Variants in ALG12 observed in about 807,000 individuals in gnomAD.
The protein encoded by ALG12 is ALG12 alpha-1,6-mannosyltransferase.
A neutral mutation model predicts 46.0 loss-of-function variants in ALG12; 36 were observed. The observed-to-expected ratio is 0.78, with a 90% CI of 0.60 to 1.03. ALG12 has a LOEUF of 1.03. Among genes scored for constraint, ALG12 ranks in the 50% least tolerant of loss-of-function variants. The pLI is 0.00. For missense variants in ALG12, 599 were observed against 633.5 expected (o/e 0.95, Z 0.58); for synonymous variants, 326 against 291.6 (o/e 1.12, Z -1.20).
chr22:49,867,759 C>T, the ALG12 span, among the ~76,000 whole-genome samples: 1 of 152,170 alleles, frequency 6.6e-6, no homozygotes, highest in Admixed American at 6.5e-5. Context: ...TGCAAGGGGG[C>T]TTCCATCCTG....
At chr22:49,917,898 C>G (rs2060623397) in intron 1 of ALG12, among the ~76,000 whole-genome samples, 2 of 94,508 alleles carry the variant, frequency 2.1e-5, no homozygotes, top group African/African-American at 1.0e-4. Flanking sequence ...TAAGTGGACC[C>G]CAGATCCCCA....
the ALG12 span, among the ~76,000 whole-genome samples, chr22:49,871,229 T>G: frequency 7.1e-6 from 1 of 140,828 alleles, no homozygotes; most frequent in Non-Finnish European, 1.5e-5. Context: ...CTTTTAAAAG[T>G]TAATTCATCA....
chr22:49,909,161 GCTGCTTCCA>G, intron 6 of ALG12, 74 bp downstream of exon 6: 1 of 1,384,022 alleles, frequency 7.2e-7, no homozygotes, highest in South Asian at 1.2e-5. Context: ...GGGAGAAGCA[GCTGCTTCCA>G]CTGCCCATGG....
At position 49,904,259 on chromosome 22, in the gene ALG12, GA is replaced by G; in HGVS notation, c.1163-6del. The G allele has an allele frequency of 6.2e-7, 1 of 1,614,102 alleles. No homozygotes were observed. ...CGTCAATGTGCAGAAGGACGTCTAG[GA>G]AAACCAGGCCTGCCGTCAGAGCCCA... On this transcript the variant is annotated splice_region_variant and splice_polypyrimidine_tract_variant and intron_variant, in intron 8 of 9. Transcript: ENST00000330817.
rs1262449860 is a variant in ALG12, at chr22:49,902,461, TGTGTGCAC to T, written c.*1369_*1376del. The T allele has an allele frequency of 1.4e-4, 20 of 145,630 alleles. 1 individual carries two copies. The highest frequency in any genetic ancestry group is 6.4e-4 in the East Asian group (3 of 4,680). 9.0% of individuals were successfully genotyped at this position (145,630 alleles called of 1,614,324 possible). On this transcript the variant is annotated 3_prime_UTR_variant, in exon 10 of 10. Coordinates refer to ENST00000330817, the MANE Select transcript of ALG12 (RefSeq NM_024105.4). ...GCACGTGTGCACTGTGTATGCATGGTGTGTGCACGTGTGCACTGTGTGGTGTGTATGCA... is the reference window on the plus strand; with the variant it reads ...GCACGTGTGCACTGTGTATGCATGGTGTGTGCACTGTGTGGTGTGTATGCA...
At chr22:49,861,290 C>T in the ALG12 span, among the ~76,000 whole-genome samples, 177 of 149,520 alleles carry the variant, frequency 1.2e-3, 5 homozygotes, top group East Asian at 0.025. Context: ...TACAGGCACC[C>T]GCCACCACGC....
At chr22:49,912,886 G>A (rs911027132) in intron 3 of ALG12, among the ~76,000 whole-genome samples, 12 of 152,002 alleles carry the variant, frequency 7.9e-5, no homozygotes, top group African/African-American at 2.9e-4. Flanking sequence ...AAAAAAATCG[G>A]TTTTTAGAAC....
the ALG12 span, among the ~76,000 whole-genome samples, chr22:49,866,355 G>A: frequency 4.0e-5 from 6 of 151,724 alleles, no homozygotes; most frequent in Non-Finnish European, 5.9e-5. Context: ...AAATTGGTCC[G>A]TTTCTCTTGA....
rs2060513555 is a variant in ALG12, at chr22:49,902,179, T to G, written c.*1659A>C. On this transcript the variant is annotated 3_prime_UTR_variant, in exon 10 of 10. Coordinates refer to ENST00000330817, the MANE Select transcript of ALG12 (RefSeq NM_024105.4). ...GGTGTGTGCACGTGTGCACTGTGTG[T>G]GGTGTGTATGCATGGTGTGTGCACA... 7.2e-6 allele frequency: 1 copy of G among 138,066 alleles called. No homozygotes were observed. The highest frequency in any genetic ancestry group is 2.8e-5 in the African/African-American group (1 of 35,280). 8.6% of individuals were successfully genotyped at this position (138,066 alleles called of 1,614,324 possible).
At chr22:49,867,890 G>T in the ALG12 span, among the ~76,000 whole-genome samples, 1 of 152,184 alleles carries the variant, frequency 6.6e-6, no homozygotes, top group Admixed American at 6.5e-5. Context: ...ACTTACATGA[G>T]CCCACAGTTG....
At chr22:49,916,812 G>A (rs973053878) in intron 1 of ALG12, among the ~76,000 whole-genome samples, 2 of 152,194 alleles carry the variant, frequency 1.3e-5, no homozygotes, top group Non-Finnish European at 2.9e-5. Context: ...AAAACGGAAC[G>A]GGGAGCATCT....
rs1405145234 is a variant in ALG12 at position 49,902,713 on chromosome 22, C to T, written c.*1125G>A. The T allele has an allele frequency of 9.5e-6, 1 of 105,070 alleles. No homozygotes were observed. Among genetic ancestry groups the T allele is most frequent in the Non-Finnish European group, 1.9e-5 (1 of 53,370 alleles). The allele number at this position is 105,070 out of a possible 1,614,324, so 6.5% of individuals were successfully genotyped here. Reference sequence around the variant, plus strand: ...TGTATGCATAGTGTGTGCACGTGTGCACTGTGTGTGGATGCATGGTAATGT... The same window carrying T: ...TGTATGCATAGTGTGTGCACGTGTGTACTGTGTGTGGATGCATGGTAATGT... On this transcript the variant is annotated 3_prime_UTR_variant, in exon 10 of 10. Coordinates refer to ENST00000330817, the MANE Select transcript of ALG12 (RefSeq NM_024105.4).
At chr22:49,875,188 G>A in the ALG12 span, among the ~76,000 whole-genome samples, 2 of 151,478 alleles carry the variant, frequency 1.3e-5, no homozygotes, top group Non-Finnish European at 2.9e-5. Flanking sequence ...ATAAAGAATT[G>A]GGAGGTGTTT....
chr22:49,860,216 T>C, the ALG12 span, among the ~76,000 whole-genome samples: 1 of 152,278 alleles, frequency 6.6e-6, no homozygotes, highest in African/African-American at 2.4e-5. Context: ...GGAGGATCAC[T>C]TGAGCCTGGG....
chr22:49,895,213 G>A, the ALG12 span, among the ~76,000 whole-genome samples: 15,073 of 152,254 alleles, frequency 0.099, 804 homozygotes, highest in South Asian at 0.19. Flanking sequence ...TCTGAGTTGA[G>A]AGGCAGAGGC....
chr22:49,905,096 G>A lies in ALG12; in HGVS notation c.993-590C>T, dbSNP rs1053352050. On this transcript the variant is annotated intron_variant, in intron 7 of 9. Transcript: ENST00000330817. This position sits in a 1 kb window ranked among gnomAD's most constrained non-coding sequence, Gnocchi z 4.9. Reference sequence around the variant, plus strand: ...GTGTAGGTCAGAGTGCCACCCGCGCGGCCAAGCCCACTCCCAGCAGGTCTG... The same window carrying A: ...GTGTAGGTCAGAGTGCCACCCGCGCAGCCAAGCCCACTCCCAGCAGGTCTG... 2.0e-5 allele frequency among the ~76,000 whole-genome samples: 3 copies of A among 151,398 alleles called. No homozygotes were observed. The highest frequency in any genetic ancestry group is 4.4e-5 in the Non-Finnish European group (3 of 67,770).
At chr22:49,886,966 A>G in the ALG12 span, 1 of 1,613,874 alleles carries the variant, frequency 6.2e-7, no homozygotes, top group Non-Finnish European at 8.5e-7. This position sits in a 1 kb window ranked among gnomAD's most constrained non-coding sequence, Gnocchi z 7.7. Flanking sequence ...TGACCCGCTC[A>G]CCTACTGGAA....
chr22:49,883,870 C>G, the ALG12 span: 1 of 1,605,636 alleles, frequency 6.2e-7, no homozygotes, highest in South Asian at 1.1e-5. Flanking sequence ...CAGCTGCAAG[C>G]CCCCGGGGAA....
chr22:49,911,263 A>G (rs573795321), intron 3 of ALG12, among the ~76,000 whole-genome samples: 1 of 152,326 alleles, frequency 6.6e-6, no homozygotes, highest in East Asian at 1.9e-4. Context: ...CTTCGAAGCC[A>G]TGTGAGAAGC....
Sources: gnomAD v4.1 joint callset for allele counts (sites outside exome capture counted in the v4.1 genomes callset) on GRCh38, gnomAD v4.1.1 for gene constraint, Gnocchi (gnomAD v3.1) non-coding constraint, MANE v1.5 for transcripts, NCBI Gene and HGNC (gene_info 2026-07-23, HGNC 2026-07-21) for gene names.